Variants in LRRC4C observed in about 807,000 individuals in gnomAD.
The protein encoded by LRRC4C is leucine rich repeat containing 4C, also known as leucine-rich repeat-containing protein 4C.
Under a neutral mutation model 33.6 loss-of-function variants are expected in LRRC4C, and 5 were observed. That is an observed-to-expected ratio of 0.15 (90% CI 0.08 to 0.31). The LOEUF (loss-of-function observed/expected upper bound fraction) is 0.31, where lower values mean the gene tolerates loss of function less well. Ranked by LOEUF, LRRC4C falls within the 10% of genes least tolerant of loss-of-function variation. LRRC4C has a pLI of 1.00. For missense variants in LRRC4C, 560 were observed against 796.7 expected (o/e 0.70, Z 3.58); for synonymous variants, 329 against 302.0 (o/e 1.09, Z -0.93).
intron 1 of LRRC4C, among the ~76,000 whole-genome samples, chr11:40,974,396 C>T (rs1457031035): frequency 1.3e-5 from 2 of 152,122 alleles, no homozygotes; most frequent in African/African-American, 4.8e-5. Flanking sequence ...CAGTGTATAA[C>T]TGAGGATAAC....
At chr11:41,054,586 A>C (rs545612464) in intron 1 of LRRC4C, among the ~76,000 whole-genome samples, 1 of 152,264 alleles carries the variant, frequency 6.6e-6, no homozygotes. Context: ...GAAAAGCTAC[A>C]GAATAGCCCA....
intron 2 of LRRC4C, among the ~76,000 whole-genome samples, chr11:40,797,408 G>T (rs920124198): frequency 6.6e-6 from 1 of 152,112 alleles, no homozygotes; most frequent in African/African-American, 2.4e-5. Context: ...TCTAGTTGGA[G>T]ATGTACAGTT....
At chr11:40,355,460 A>C (rs897462846) in intron 3 of LRRC4C, among the ~76,000 whole-genome samples, 2 of 152,124 alleles carry the variant, frequency 1.3e-5, no homozygotes, top group African/African-American at 4.8e-5. Flanking sequence ...AGAGTGCTTT[A>C]ACCTATGGTG....
intron 5 of LRRC4C, among the ~76,000 whole-genome samples, chr11:40,222,560 C>T (rs981835249): frequency 2.0e-5 from 3 of 152,274 alleles, no homozygotes; most frequent in Non-Finnish European, 4.4e-5. Flanking sequence ...TGTGCTATAA[C>T]ACATTTACCT....
chr11:40,154,981 A>T (rs1157180974), intron 5 of LRRC4C, among the ~76,000 whole-genome samples: 1 of 152,206 alleles, frequency 6.6e-6, no homozygotes, highest in African/African-American at 2.4e-5. Flanking sequence ...TAAATTGAAG[A>T]AAATTGAAAT....
At chr11:40,973,418 C>T (rs1038577758) in intron 1 of LRRC4C, among the ~76,000 whole-genome samples, 5 of 152,042 alleles carry the variant, frequency 3.3e-5, no homozygotes, top group Non-Finnish European at 7.4e-5. Context: ...AAAACAGTGC[C>T]TTGTCAAGAA....
chr11:40,353,874 G>C (rs1947532685), intron 3 of LRRC4C, among the ~76,000 whole-genome samples: 1 of 152,098 alleles, frequency 6.6e-6, no homozygotes, highest in South Asian at 2.1e-4. Context: ...CATTCAGTGA[G>C]GTCATGTTTT....
At chr11:41,319,906 G>T (rs1950906931) in intron 1 of LRRC4C, among the ~76,000 whole-genome samples, 1 of 152,024 alleles carries the variant, frequency 6.6e-6, no homozygotes, top group Admixed American at 6.6e-5. Flanking sequence ...ATGTTTAAAT[G>T]CATGGAATTA....
At chr11:41,298,345 C>T (rs2137058520) in intron 1 of LRRC4C, among the ~76,000 whole-genome samples, 1 of 152,132 alleles carries the variant, frequency 6.6e-6, no homozygotes, top group South Asian at 2.1e-4. Flanking sequence ...CCTGGGACTT[C>T]TTTCAAAATC....
At chr11:40,905,309 T>A (rs896261262) in intron 2 of LRRC4C, among the ~76,000 whole-genome samples, 3 of 152,078 alleles carry the variant, frequency 2.0e-5, no homozygotes, top group African/African-American at 4.8e-5. Context: ...CCACTCCCAG[T>A]TTCACGTGTC....
At chr11:40,876,554 G>A (rs1954901699) in intron 2 of LRRC4C, among the ~76,000 whole-genome samples, 1 of 152,028 alleles carries the variant, frequency 6.6e-6, no homozygotes, top group South Asian at 2.1e-4. Flanking sequence ...AAGTAAGCAA[G>A]TTTTGTGACT....
At chr11:40,136,148 C>T (rs1856955056) in intron 6 of LRRC4C, among the ~76,000 whole-genome samples, 1 of 151,862 alleles carries the variant, frequency 6.6e-6, no homozygotes, top group African/African-American at 2.4e-5. Flanking sequence ...TGCTTTTACA[C>T]TGAAGGGCAG....
At chr11:41,339,275 AGCCCT>A in intron 1 of LRRC4C, among the ~76,000 whole-genome samples, 1 of 152,346 alleles carries the variant, frequency 6.6e-6, no homozygotes, top group Non-Finnish European at 1.5e-5. Context: ...CTAAATAAAT[AGCCCT>A]GCCCTTGAAT....
At chr11:40,382,229 G>T (rs1015315682) in intron 3 of LRRC4C, among the ~76,000 whole-genome samples, 11 of 143,290 alleles carry the variant, frequency 7.7e-5, no homozygotes, top group East Asian at 2.1e-4. Context: ...TGATACACCC[G>T]CCTGGGCCTC....
intron 2 of LRRC4C, among the ~76,000 whole-genome samples, chr11:40,865,635 C>T (rs746608440): frequency 6.6e-6 from 1 of 151,052 alleles, no homozygotes; most frequent in Admixed American, 6.6e-5. Context: ...ATAACAAAAG[C>T]CATTCCCAAA....
chr11:41,204,455 C>G (rs901576972), intron 1 of LRRC4C, among the ~76,000 whole-genome samples: 1 of 152,178 alleles, frequency 6.6e-6, no homozygotes, highest in Non-Finnish European at 1.5e-5. Context: ...CAGCACTTAC[C>G]TAATGTACAA....
intron 5 of LRRC4C, among the ~76,000 whole-genome samples, chr11:40,217,535 C>T (rs1993165): frequency 0.88 from 134,049 of 152,058 alleles, 59,565 homozygotes; most frequent in South Asian, 0.97. Context: ...AATTTCTTTA[C>T]CATGAAAGCA....
chr11:40,881,018 G>T (rs192026893), intron 2 of LRRC4C, among the ~76,000 whole-genome samples: 5 of 152,014 alleles, frequency 3.3e-5, no homozygotes, highest in African/African-American at 9.6e-5. Flanking sequence ...CTTGCTTATT[G>T]CATTATGAGA....
intron 4 of LRRC4C, among the ~76,000 whole-genome samples, chr11:40,270,926 C>T (rs573096885): frequency 1.3e-5 from 2 of 152,208 alleles, no homozygotes; most frequent in South Asian, 4.2e-4. Flanking sequence ...CAATTTAATG[C>T]TTTTTCTATT....
Sources: allele counts gnomAD v4.1 joint callset (sites outside exome capture counted in the v4.1 genomes callset), GRCh38; gene constraint gnomAD v4.1.1; transcripts MANE v1.5; gene names NCBI Gene and HGNC (gene_info 2026-07-23, HGNC 2026-07-21).